CLEC16A: variants seen among roughly 807,000 people sequenced by gnomAD.
CLEC16A encodes the protein protein CLEC16A.
A neutral mutation model predicts 109.5 loss-of-function variants in CLEC16A; 51 were observed. The observed-to-expected ratio is 0.47, with a 90% CI of 0.37 to 0.59. The LOEUF is 0.59. Among genes scored for constraint, CLEC16A ranks in the 20% least tolerant of loss-of-function variants. CLEC16A has a pLI of 0.00. For missense variants in CLEC16A, 1,339 were observed against 1,394.0 expected, an observed-to-expected ratio of 0.96 and a Z score of 0.63; for synonymous variants, 673 against 564.2, an observed-to-expected ratio of 1.19 and a Z score of -2.73.
intron 11 of CLEC16A, among the ~76,000 whole-genome samples, chr16:11,017,999 T>TAAAAAAAAAAA (rs34526192): frequency 7.2e-6 from 1 of 138,826 alleles, no homozygotes. Context: ...AAAGAGGTAT[T>TAAAAAAAAAAA]AAAAAAAAAA....
At chr16:11,021,669 G>C (rs568010883) in intron 12 of CLEC16A, among the ~76,000 whole-genome samples, 4 of 152,162 alleles carry the variant, frequency 2.6e-5, no homozygotes, top group Non-Finnish European at 5.9e-5. Flanking sequence ...ATGGTGGCAG[G>C]TGCCTGTAGT....
chr16:11,091,885 G>A (rs915130680), intron 19 of CLEC16A, among the ~76,000 whole-genome samples: 1 of 152,036 alleles, frequency 6.6e-6, no homozygotes, highest in East Asian at 1.9e-4. Context: ...TGCAGGAAAG[G>A]TGTGCTTAAG....
At chr16:10,994,384 C>A (rs903037885) in intron 10 of CLEC16A, among the ~76,000 whole-genome samples, 6 of 152,188 alleles carry the variant, frequency 3.9e-5, no homozygotes, top group Non-Finnish European at 8.8e-5. Context: ...GGGTACATCA[C>A]CCATCTGGTG....
chr16:11,059,960 A>G (rs1463336503), intron 18 of CLEC16A, among the ~76,000 whole-genome samples: 2 of 152,186 alleles, frequency 1.3e-5, no homozygotes, highest in Non-Finnish European at 2.9e-5. Context: ...GCTGTGCCTC[A>G]GGGAGAGAGG....
intron 22 of CLEC16A, among the ~76,000 whole-genome samples, chr16:11,149,450 C>G (rs532951166): frequency 1.4e-4 from 21 of 151,870 alleles, no homozygotes; most frequent in African/African-American, 3.9e-4. Flanking sequence ...CCTGTTTTGT[C>G]TCTTTCTCTC....
At chr16:11,073,952 A>T (rs1437749666) in intron 19 of CLEC16A, among the ~76,000 whole-genome samples, 2 of 152,228 alleles carry the variant, frequency 1.3e-5, no homozygotes, top group Non-Finnish European at 2.9e-5. Flanking sequence ...GAGTTAGAAA[A>T]ATGATGTTTG....
chr16:11,115,633 A>G (rs1257532103), intron 19 of CLEC16A, among the ~76,000 whole-genome samples: 1 of 152,244 alleles, frequency 6.6e-6, no homozygotes, highest in Non-Finnish European at 1.5e-5. Context: ...TCAGTCTTCA[A>G]AAGTGTTGGG....
intron 23 of CLEC16A, among the ~76,000 whole-genome samples, chr16:11,177,927 CTGA>C (rs1045809215): frequency 1.3e-5 from 2 of 151,618 alleles, no homozygotes; most frequent in Admixed American, 6.6e-5. Context: ...TGGAAATGGC[CTGA>C]TATTACGAGC....
intron 19 of CLEC16A, among the ~76,000 whole-genome samples, chr16:11,092,701 A>G (rs2050382635): frequency 6.6e-6 from 1 of 152,176 alleles, no homozygotes; most frequent in Admixed American, 6.5e-5. Context: ...TTCGTGGCAC[A>G]ATGGTGAGAG....
intron 4 of CLEC16A, among the ~76,000 whole-genome samples, chr16:10,970,754 T>C (rs974536520): frequency 1.3e-5 from 2 of 152,206 alleles, no homozygotes; most frequent in African/African-American, 4.8e-5. Context: ...TTTTTTCTTT[T>C]TTCTTGTTTT....
At chr16:11,018,424 A>G (rs2045894783) in intron 11 of CLEC16A, among the ~76,000 whole-genome samples, 1 of 152,090 alleles carries the variant, frequency 6.6e-6, no homozygotes. Context: ...CCTTCCAGGC[A>G]GAGGAAATTA....
At chr16:11,095,058 GTTTC>G (rs2050525890) in intron 19 of CLEC16A, among the ~76,000 whole-genome samples, 1 of 149,598 alleles carries the variant, frequency 6.7e-6, no homozygotes, top group South Asian at 2.1e-4. Context: ...TCCATGACTT[GTTTC>G]TTATTTGAAC....
intron 18 of CLEC16A, among the ~76,000 whole-genome samples, chr16:11,053,803 A>G (rs919007826): frequency 6.6e-6 from 1 of 152,170 alleles, no homozygotes; most frequent in African/African-American, 2.4e-5. Flanking sequence ...ATTCTGATCC[A>G]CTGCTTCCCA....
intron 22 of CLEC16A, among the ~76,000 whole-genome samples, chr16:11,129,923 C>T (rs1463281444): frequency 1.3e-5 from 2 of 152,092 alleles, no homozygotes; most frequent in Admixed American, 6.5e-5. Context: ...CCACCACGCC[C>T]GGTTAATTTT....
chr16:11,096,563 A>G (rs926920820), intron 19 of CLEC16A, among the ~76,000 whole-genome samples: 2 of 152,216 alleles, frequency 1.3e-5, no homozygotes, highest in Admixed American at 6.5e-5. Context: ...AGAAACAAGC[A>G]TTTAAAAAAC....
intron 13 of CLEC16A, chr16:11,027,603 T>C (rs2046485890): frequency 8.4e-6 from 13 of 1,556,590 alleles, no homozygotes; most frequent in African/African-American, 4.0e-5. Flanking sequence ...TGAAATTGCA[T>C]TCCCAGGGAA....
intron 23 of CLEC16A, among the ~76,000 whole-genome samples, chr16:11,173,250 C>G (rs893431495): frequency 1.3e-5 from 2 of 152,122 alleles, no homozygotes; most frequent in South Asian, 2.1e-4. Context: ...TGGTAACATA[C>G]GGGTAACATA....
intron 13 of CLEC16A, among the ~76,000 whole-genome samples, chr16:11,037,061 C>A (rs990964769): frequency 2.0e-5 from 3 of 152,244 alleles, no homozygotes; most frequent in African/African-American, 2.4e-5. Flanking sequence ...ATTCCCACTT[C>A]ACAGGTGAGG....
intron 23 of CLEC16A, among the ~76,000 whole-genome samples, chr16:11,171,029 AG>A (rs1160355724): frequency 6.6e-6 from 1 of 152,150 alleles, no homozygotes; most frequent in Non-Finnish European, 1.5e-5. Flanking sequence ...CACATCTCCT[AG>A]AGACCAGTGG....
Sources: gnomAD v4.1 joint callset for allele counts (sites outside exome capture counted in the v4.1 genomes callset) on GRCh38, gnomAD v4.1.1 for gene constraint, MANE v1.5 for transcripts, NCBI Gene and HGNC (gene_info 2026-07-23, HGNC 2026-07-21) for gene names.